Variants in DIRAS1 observed in about 807,000 individuals in gnomAD.
The protein encoded by DIRAS1 is DIRAS family GTPase 1.
Under a neutral mutation model 11.5 loss-of-function variants are expected in DIRAS1, and 3 were observed. The ratio of observed to expected loss-of-function variants is 0.26; its 90% confidence interval spans 0.12 to 0.67. DIRAS1 has a LOEUF of 0.67. Among genes scored for constraint, DIRAS1 ranks in the 30% least tolerant of loss-of-function variants. The pLI is 0.80. For missense variants in DIRAS1, 212 were observed against 285.3 expected (o/e 0.74, Z 1.85); for synonymous variants, 128 against 125.8 (o/e 1.02, Z -0.12).
intron 1 of DIRAS1, among the ~76,000 whole-genome samples, chr19:2,719,864 G>A (rs1913914395): frequency 6.6e-6 from 1 of 152,220 alleles, no homozygotes; most frequent in Non-Finnish European, 1.5e-5. Context: ...GATCACAATT[G>A]TGATCACAGT....
chr19:2,720,416 G>A (rs964970956), intron 1 of DIRAS1, among the ~76,000 whole-genome samples: 8 of 152,224 alleles, frequency 5.3e-5, no homozygotes, highest in Admixed American at 5.2e-4. Context: ...CACCTCCACC[G>A]CCTGGGGGGT....
At position 2,717,755 on chromosome 19, in the gene DIRAS1, C is replaced by A; in HGVS notation, c.52G>T (p.Val18Leu). ...CGCAGCACCAGCGAGCTCTTGCCCA[C>A]GCCGCCCGCCCCGAACACCACCACG... is the stretch of plus-strand genomic sequence containing the variant. ...YRVVVFGAGG[V>L]GKSSLVLRFV... is the part of the protein sequence containing the mutation. Residue 18 changes from valine (V) to leucine (L), a missense_variant, in exon 2 of 2, where the codon GTG (valine) becomes TTG (leucine). Physicochemically the swap from Val to Leu is conservative, Grantham distance 32. Coordinates refer to ENST00000323469, the MANE Select transcript of DIRAS1 (RefSeq NM_145173.4). The A allele has an allele frequency of 6.2e-7, 1 of 1,603,116 alleles. No homozygotes were observed. The highest frequency in any genetic ancestry group is 8.5e-7 in the Non-Finnish European group (1 of 1,179,852).
rs1378896989 is a variant in DIRAS1, at chr19:2,716,399, C to A, written c.*811G>T. ...TACCCCCTCCTGAGCACCCCAGGTC[C>A]CCACCCGCCATGCGTTGCTAACGTC... On this transcript the variant is annotated 3_prime_UTR_variant, in exon 2 of 2. Coordinates refer to ENST00000323469, the MANE Select transcript of DIRAS1 (RefSeq NM_145173.4). The A allele has an allele frequency of 6.6e-6, 1 of 152,424 alleles. No homozygotes were observed. The highest frequency in any genetic ancestry group is 1.9e-4 in the East Asian group (1 of 5,190). The allele number at this position is 152,424 out of a possible 1,614,324, so 9.4% of individuals were successfully genotyped here.
Position 2,717,762 on chromosome 19 carries a change from C to G in DIRAS1, c.45G>C (p.Ala15=), listed in dbSNP as rs767906645. 6 of 1,602,758 alleles carry G rather than the reference C, an allele frequency of 3.7e-6. No individual in the cohort carries two copies. The highest frequency in any genetic ancestry group is 5.1e-6 in the Non-Finnish European group (6 of 1,179,876). The change falls in exon 2 of 2, where the codon GCG becomes GCC. Residue 15 remains alanine (A), a synonymous_variant. Coordinates refer to ENST00000323469, the MANE Select transcript of DIRAS1 (RefSeq NM_145173.4). ...CCAGCGAGCTCTTGCCCACGCCGCC[C>G]GCCCCGAACACCACCACGCGGTAAT... is the stretch of plus-strand genomic sequence containing the variant. ...SNDYRVVVFG[A]GGVGKSSLVL...
At position 2,717,085 on chromosome 19, in the gene DIRAS1, G is replaced by C. The variant is rs552195043; in HGVS notation, c.*125C>G. 6.6e-5 allele frequency: 72 copies of C among 1,090,942 alleles called. No individual in the cohort carries two copies. In the South Asian group the frequency reaches 1.0e-3, roughly 16 times the overall value. 67.6% of individuals were successfully genotyped at this position (1,090,942 alleles called of 1,614,324 possible). On this transcript the variant is annotated 3_prime_UTR_variant, in exon 2 of 2. Transcript: ENST00000323469. ...CAGCGGAGGGGGGGGCGGTGGCCTC[G>C]GTTTCCCCAGCCGAGGTGTCGGAGG...
In DIRAS1 at chr19:2,717,123, A is replaced by AGAG. The variant is rs1162024347; in HGVS notation, c.*84_*86dup. On this transcript the variant is annotated 3_prime_UTR_variant, in exon 2 of 2. Coordinates refer to ENST00000323469, the MANE Select transcript of DIRAS1 (RefSeq NM_145173.4). ...GAGGTGTCGGAGGAAGGATGAGAGAAGAGGAGGAGGCCGAGGAGGGTGTCG... is the reference window on the plus strand; with the variant it reads ...GAGGTGTCGGAGGAAGGATGAGAGAAGAGGAGGAGGAGGCCGAGGAGGGTGTCG... 7.6e-7 allele frequency: 1 copy of AGAG among 1,322,584 alleles called. No individual in the cohort carries two copies. Among genetic ancestry groups the AGAG allele is most frequent in the Non-Finnish European group, 1.0e-6 (1 of 986,576 alleles). 81.9% of individuals were successfully genotyped at this position (1,322,584 alleles called of 1,614,324 possible). A position where few individuals can be genotyped will look rare whatever the true frequency, so the allele number is the denominator to read the frequency against.
rs1474607269 is a variant in DIRAS1, at chr19:2,717,125, AG to A, written c.*84del. On this transcript the variant is annotated 3_prime_UTR_variant, in exon 2 of 2. Transcript: ENST00000323469. Reference sequence around the variant, plus strand: ...GGTGTCGGAGGAAGGATGAGAGAAGAGGAGGAGGCCGAGGAGGGTGTCGGTG... The same window carrying A: ...GGTGTCGGAGGAAGGATGAGAGAAGAGAGGAGGCCGAGGAGGGTGTCGGTG... 1 of 1,297,912 alleles carries A rather than the reference AG, an allele frequency of 7.7e-7. No homozygotes were observed. The highest frequency in any genetic ancestry group is 2.5e-5 in the East Asian group (1 of 39,920). 80.4% of individuals were successfully genotyped at this position (1,297,912 alleles called of 1,614,324 possible). A position where few individuals can be genotyped will look rare whatever the true frequency, so the allele number is the denominator to read the frequency against.
Position 2,717,275 on chromosome 19 carries a change from C to T in DIRAS1, c.532G>A (p.Asp178Asn), listed in dbSNP as rs772343054. The T allele has an allele frequency of 2.5e-6, 4 of 1,611,616 alleles. No homozygotes were observed. The East Asian group carries it at 6.7e-5, about 27-fold the overall frequency. Residue 178 changes from aspartate to asparagine, a missense_variant, in exon 2 of 2, where the codon GAC becomes AAC. By Grantham distance (23) the Asp-to-Asn change is conservative. This residue lies in a region of DIRAS1 where 84 missense variants were observed against 79.9 expected (regional missense o/e 1.05). Coordinates refer to ENST00000323469, the MANE Select transcript of DIRAS1 (RefSeq NM_145173.4). ...TTCTGCTTCCCGGAGCGCTTGCCGT[C>T]GATGTTGAGGCTCATGTTCCGGCGC... Reference protein sequence around the residue: ...ETRRNMSLNIDGKRSGKQKRT... With the variant: ...ETRRNMSLNINGKRSGKQKRT...
In DIRAS1 at chr19:2,717,055, A is replaced by C; in HGVS notation, c.*155T>G. On this transcript the variant is annotated 3_prime_UTR_variant, in exon 2 of 2. Coordinates refer to ENST00000323469, the MANE Select transcript of DIRAS1 (RefSeq NM_145173.4). ...GCCCCAGCCCTGCCTCGGGGTGGGC[A>C]GGGGCAGCGGAGGGGGGGGCGGTGG... is the stretch of plus-strand genomic sequence containing the variant. 3 of 703,376 alleles carry C rather than the reference A, an allele frequency of 4.3e-6. No individual in the cohort carries two copies. The highest frequency in any genetic ancestry group is 4.5e-6 in the Non-Finnish European group (2 of 444,914). The allele number at this position is 703,376 out of a possible 1,614,324, so 43.6% of individuals were successfully genotyped here. A position where few individuals can be genotyped will look rare whatever the true frequency, so the allele number is the denominator to read the frequency against.
chr19:2,720,758 G>T (rs1231815180), intron 1 of DIRAS1, among the ~76,000 whole-genome samples: 1 of 152,180 alleles, frequency 6.6e-6, no homozygotes, highest in African/African-American at 2.4e-5. Flanking sequence ...CAAGGGTGGG[G>T]CGGGGGTCTG....
At chr19:2,720,128 G>C (rs1913920290) in intron 1 of DIRAS1, among the ~76,000 whole-genome samples, 1 of 152,150 alleles carries the variant, frequency 6.6e-6, no homozygotes, top group East Asian at 1.9e-4. Context: ...GGAGGCTGGG[G>C]GTGCTGGTGG....
Position 2,718,087 on chromosome 19 carries a change from A to G in DIRAS1, c.-69-212T>C, listed in dbSNP as rs893740079. 3.3e-5 allele frequency among the ~76,000 whole-genome samples: 5 copies of G among 152,174 alleles called. No individual in the cohort carries two copies. The highest frequency in any genetic ancestry group is 1.2e-4 in the African/African-American group (5 of 41,444). ...AACACCCTTTGCTTACTTCTCCCTA[A>G]CAAAATCTGGGGCCTGAGCTTCCCC... On this transcript the variant is annotated intron_variant, in intron 1 of 1. Coordinates refer to ENST00000323469, the MANE Select transcript of DIRAS1 (RefSeq NM_145173.4). The surrounding 1 kb of genome is among the most constrained non-coding windows in gnomAD (Gnocchi z 4.2).
intron 1 of DIRAS1, 90 bp downstream of exon 1, chr19:2,721,214 C>A (rs1405533903): frequency 2.0e-5 from 3 of 149,454 alleles, no homozygotes; most frequent in Non-Finnish European, 4.5e-5. Context: ...GCCCGGGAGG[C>A]TGGGGCCGGG....
intron 1 of DIRAS1, among the ~76,000 whole-genome samples, chr19:2,720,337 C>T (rs1282985974): frequency 6.6e-6 from 1 of 152,346 alleles, no homozygotes; most frequent in African/African-American, 2.4e-5. Context: ...ACTGTCCTCC[C>T]CGCTGGGTCT....
intron 1 of DIRAS1, among the ~76,000 whole-genome samples, chr19:2,720,258 G>C (rs1913923435): frequency 6.6e-6 from 1 of 152,174 alleles, no homozygotes; most frequent in Non-Finnish European, 1.5e-5. Flanking sequence ...TAATGGCCAT[G>C]GGTTCTGTGG....
In DIRAS1 at chr19:2,716,332, C is replaced by T. The variant is rs1330621490; in HGVS notation, c.*878G>A. Reference sequence around the variant, plus strand: ...GTGCTGGCTCCCATCGGCTGTCCCCCCACGGGGGTGTAATTGATGTATCTC... The same window carrying T: ...GTGCTGGCTCCCATCGGCTGTCCCCTCACGGGGGTGTAATTGATGTATCTC... On this transcript the variant is annotated 3_prime_UTR_variant, in exon 2 of 2. Transcript: ENST00000323469. 1 of 152,378 alleles carries T rather than the reference C, an allele frequency of 6.6e-6. No individual in the cohort carries two copies. The highest frequency in any genetic ancestry group is 6.5e-5 in the Admixed American group (1 of 15,282). The allele number at this position is 152,378 out of a possible 1,614,324, so 9.4% of individuals were successfully genotyped here.
chr19:2,717,166 G>A lies in DIRAS1; in HGVS notation c.*44C>T, dbSNP rs146665806. 2,079 of 1,528,486 alleles carry A rather than the reference G, an allele frequency of 1.4e-3. 32 individuals carry two copies. The African/African-American group carries it at 0.024, about 18-fold the overall frequency. The allele number at this position is 1,528,486 out of a possible 1,614,324, so 94.7% of individuals were successfully genotyped here. A position where few individuals can be genotyped will look rare whatever the true frequency, so the allele number is the denominator to read the frequency against. On this transcript the variant is annotated 3_prime_UTR_variant, in exon 2 of 2. Transcript: ENST00000323469. ...GGGTGTCGGTGTTGGGGGAGGCAGC[G>A]GGGGTCAGTGGGGGTGGGCGGCGGG... is the stretch of plus-strand genomic sequence containing the variant.
In DIRAS1 at chr19:2,717,355, G is replaced by A. The variant is rs758723014; in HGVS notation, c.452C>T (p.Ala151Val). Residue 151 changes from alanine to valine, a missense_variant, in exon 2 of 2, where the codon GCC (alanine) becomes GTC (valine). Transcript: ENST00000323469. ...EWKCAFMETS[A>V]KMNYNVKELF... ...CTCCTTGACGTTGTAGTTCATCTTG[G>A]CCGAGGTCTCCATGAAAGCGCACTT... 2 of 1,610,402 alleles carry A rather than the reference G, an allele frequency of 1.2e-6. No individual in the cohort carries two copies. Among genetic ancestry groups the A allele is most frequent in the South Asian group, 1.1e-5 (1 of 91,092 alleles).
In DIRAS1 at chr19:2,716,974, T is replaced by G; in HGVS notation, c.*236A>C. 12 of 461,542 alleles carry G rather than the reference T, an allele frequency of 2.6e-5. No homozygotes were observed. Among genetic ancestry groups the G allele is most frequent in the East Asian group, 3.5e-5 (1 of 28,800 alleles). The allele number at this position is 461,542 out of a possible 1,614,324, so 28.6% of individuals were successfully genotyped here. On this transcript the variant is annotated 3_prime_UTR_variant, in exon 2 of 2. Coordinates refer to ENST00000323469, the MANE Select transcript of DIRAS1 (RefSeq NM_145173.4). Reference sequence around the variant, plus strand: ...CAAGGGGGCCACCTCCGGCTCTTGGTTTTGGAGGGTACAGACAGAACAGGA... The same window carrying G: ...CAAGGGGGCCACCTCCGGCTCTTGGGTTTGGAGGGTACAGACAGAACAGGA...
Sources: gnomAD v4.1 joint callset for allele counts (sites outside exome capture counted in the v4.1 genomes callset) on GRCh38, gnomAD v4.1.1 for gene constraint, gnomAD v4.1.1 regional missense constraint, Gnocchi (gnomAD v3.1) non-coding constraint, MANE v1.5 for transcripts, NCBI Gene and HGNC (gene_info 2026-07-23, HGNC 2026-07-21) for gene names.